TAFA1: variants seen among roughly 807,000 people sequenced by gnomAD.
The protein encoded by TAFA1 is TAFA chemokine like family member 1, also known as chemokine-like protein TAFA-1.
A neutral mutation model predicts 18.5 loss-of-function variants in TAFA1; 4 were observed. The ratio of observed to expected loss-of-function variants is 0.22; its 90% CI spans 0.11 to 0.49. The LOEUF is 0.49. TAFA1 is among the 20% of genes least tolerant of loss of function. The pLI is 0.98. For synonymous variants in TAFA1, 56 were observed against 55.2 expected (o/e 1.01, Z -0.06); for missense variants, 147 against 169.0 (o/e 0.87, Z 0.72).
At chr3:68,423,212 TTTAAGGCTATTA>T in intron 3 of TAFA1, among the ~76,000 whole-genome samples, 1 of 152,230 alleles carries the variant, frequency 6.6e-6, no homozygotes, top group Non-Finnish European at 1.5e-5. Context: ...TTTACCATTT[TTTAAGGCTATTA>T]TGTGCTACTG....
At chr3:68,528,486 T>A (rs2073139614) in intron 3 of TAFA1, among the ~76,000 whole-genome samples, 1 of 152,206 alleles carries the variant, frequency 6.6e-6, no homozygotes. Flanking sequence ...GGTTATCCAA[T>A]GCCTTTAATT....
At chr3:68,323,819 C>T (rs2068730871) in intron 2 of TAFA1, among the ~76,000 whole-genome samples, 1 of 152,130 alleles carries the variant, frequency 6.6e-6, no homozygotes, top group Admixed American at 6.5e-5. Context: ...GCCTTGGAGT[C>T]CTCACTTGTA....
At chr3:68,024,224 C>T (rs1280731826) in intron 2 of TAFA1, among the ~76,000 whole-genome samples, 2 of 152,044 alleles carry the variant, frequency 1.3e-5, no homozygotes, top group Admixed American at 6.6e-5. Context: ...ATCCATTTGT[C>T]ATGGATGAAT....
Position 68,513,806 on chromosome 3 carries a change from G to T in TAFA1, c.260-24950G>T, listed in dbSNP as rs1330921620. On this transcript the variant is annotated intron_variant, in intron 3 of 4. Coordinates refer to ENST00000478136, the MANE Select transcript of TAFA1 (RefSeq NM_213609.4). ...CATTGAGACATAAGCTGATAGTTTT[G>T]ACTACCATACTATTCTGCTTATTTA... 3.3e-5 allele frequency among the ~76,000 whole-genome samples: 5 copies of T among 152,142 alleles called. No individual in the cohort carries two copies. The South Asian group carries it at 1.0e-3, about 32-fold the overall frequency.
intron 2 of TAFA1, among the ~76,000 whole-genome samples, chr3:68,342,090 T>A (rs1176024377): frequency 1.3e-5 from 2 of 152,116 alleles, no homozygotes; most frequent in Non-Finnish European, 2.9e-5. Flanking sequence ...CTTCCACCCT[T>A]TTGACCAATT....
At chr3:68,250,297 T>G (rs1456390997) in intron 2 of TAFA1, among the ~76,000 whole-genome samples, 3 of 152,314 alleles carry the variant, frequency 2.0e-5, no homozygotes, top group Non-Finnish European at 4.4e-5. Context: ...GCATTTGGGC[T>G]TCATTTGGAG....
At chr3:68,226,292 A>T (rs934092108) in intron 2 of TAFA1, among the ~76,000 whole-genome samples, 4 of 152,224 alleles carry the variant, frequency 2.6e-5, no homozygotes, top group Admixed American at 2.0e-4. Context: ...ATATGCTTTC[A>T]TGCCTATTAA....
At chr3:68,039,451 G>A (rs866242303) in intron 2 of TAFA1, among the ~76,000 whole-genome samples, 1 of 151,932 alleles carries the variant, frequency 6.6e-6, no homozygotes, top group African/African-American at 2.4e-5. Context: ...TCGTTTCTAG[G>A]CTTTTATATA....
intron 2 of TAFA1, among the ~76,000 whole-genome samples, chr3:68,048,200 T>C (rs2064415387): frequency 6.6e-6 from 1 of 152,102 alleles, no homozygotes; most frequent in South Asian, 2.1e-4. Flanking sequence ...TAATATAATA[T>C]CTATGATTAT....
At chr3:68,406,017 C>G (rs1427883514) in intron 2 of TAFA1, among the ~76,000 whole-genome samples, 2 of 152,070 alleles carry the variant, frequency 1.3e-5, no homozygotes, top group African/African-American at 4.8e-5. Flanking sequence ...TATACAATCT[C>G]TAATGCTTAC....
At chr3:68,082,930 C>T (rs1166151215) in intron 2 of TAFA1, among the ~76,000 whole-genome samples, 1 of 152,248 alleles carries the variant, frequency 6.6e-6, no homozygotes. Context: ...GGTTTATCCA[C>T]TTCTCCATAT....
intron 3 of TAFA1, among the ~76,000 whole-genome samples, chr3:68,473,738 G>A (rs2072042279): frequency 6.6e-6 from 1 of 152,138 alleles, no homozygotes; most frequent in Non-Finnish European, 1.5e-5. Flanking sequence ...TGATCACTTG[G>A]CTTTCTAGTG....
chr3:68,264,634 A>C (rs890144567), intron 2 of TAFA1, among the ~76,000 whole-genome samples: 1 of 152,176 alleles, frequency 6.6e-6, no homozygotes, highest in Admixed American at 6.6e-5. Context: ...GAAGTAAACT[A>C]GCATTACCTA....
At chr3:68,147,975 T>C (rs1336306197) in intron 2 of TAFA1, among the ~76,000 whole-genome samples, 1 of 152,212 alleles carries the variant, frequency 6.6e-6, no homozygotes, top group Non-Finnish European at 1.5e-5. Flanking sequence ...AAATCAATTA[T>C]TTGGTGCCTT....
intron 2 of TAFA1, among the ~76,000 whole-genome samples, chr3:68,143,512 T>C (rs1208908640): frequency 6.6e-6 from 1 of 152,204 alleles, no homozygotes; most frequent in East Asian, 1.9e-4. Flanking sequence ...CATATTTACT[T>C]TGGGGCCAGA....
intron 3 of TAFA1, among the ~76,000 whole-genome samples, chr3:68,419,260 A>G (rs759836387): frequency 2.0e-5 from 3 of 152,184 alleles, no homozygotes; most frequent in Admixed American, 6.5e-5. Flanking sequence ...CAAGGGCTGG[A>G]AGACCAGCAG....
At chr3:68,063,896 T>C (rs2064638669) in intron 2 of TAFA1, among the ~76,000 whole-genome samples, 2 of 152,166 alleles carry the variant, frequency 1.3e-5, no homozygotes, top group Non-Finnish European at 2.9e-5. Context: ...AGTGTAGCAG[T>C]AAATAAAAAG....
At chr3:68,017,627 A>G (rs1704596859) in intron 2 of TAFA1, among the ~76,000 whole-genome samples, 1 of 152,222 alleles carries the variant, frequency 6.6e-6, no homozygotes, top group Non-Finnish European at 1.5e-5. Flanking sequence ...TCATTAAAAA[A>G]GAAGAAAATG....
chr3:68,231,375 A>G (rs1225571379), intron 2 of TAFA1, among the ~76,000 whole-genome samples: 2 of 73,760 alleles, frequency 2.7e-5, no homozygotes, highest in Admixed American at 1.9e-4. Flanking sequence ...TTTTTTTGAG[A>G]CGGAGTCTCG....
Sources: allele counts gnomAD v4.1 joint callset (sites outside exome capture counted in the v4.1 genomes callset), GRCh38; gene constraint gnomAD v4.1.1; transcripts MANE v1.5; gene names NCBI Gene and HGNC (gene_info 2026-07-23, HGNC 2026-07-21).